The following SEMA6D variants were observed in gnomAD, a reference collection of about 807,000 sequenced individuals.
SEMA6D encodes semaphorin-6D.
In SEMA6D, 35 loss-of-function variants were observed where a neutral mutation model predicts 106.6. The observed-to-expected ratio is 0.33, with a 90% CI of 0.25 to 0.44. The LOEUF (loss-of-function observed/expected upper bound fraction) is 0.44, where lower values mean the gene tolerates loss of function less well. Ranked by LOEUF, SEMA6D falls within the 20% of genes least tolerant of loss-of-function variation. SEMA6D has a pLI of 1.00. For missense variants in SEMA6D, 1,185 were observed against 1,345.9 expected, an observed-to-expected ratio of 0.88 and a Z score of 1.87; for synonymous variants, 499 against 487.7, an observed-to-expected ratio of 1.02 and a Z score of -0.31.
chr15:47,768,560 A>C (rs1484954797), intron 17 of SEMA6D, 21 bp from the exon 18 acceptor site: 1 of 1,579,264 alleles, frequency 6.3e-7, no homozygotes, highest in African/African-American at 1.4e-5. Flanking sequence ...CATATTAATA[A>C]AAATCTGTTT....
chr15:47,771,157 G>A lies in SEMA6D; in HGVS notation c.2594G>A (p.Ser865Asn), dbSNP rs1294469428. Residue 865 changes from serine (S) to asparagine (N), a missense_variant, in exon 19 of 19, where the codon AGT becomes AAT. Transcript: ENST00000536845. ...GATCACCCTCTCACAAAGTCATCCA[G>A]TAAGAGAGATCACCGGCGTTCTGTT... ...NIDHPLTKSS[S>N]KRDHRRSVDS... 5 of 1,613,956 alleles carry A rather than the reference G, an allele frequency of 3.1e-6. No homozygotes were observed. The highest frequency in any genetic ancestry group is 1.3e-5 in the African/African-American group (1 of 74,908).
intron 1 of SEMA6D, among the ~76,000 whole-genome samples, chr15:47,309,505 GC>G (rs1351951818): frequency 6.6e-6 from 1 of 152,146 alleles, no homozygotes; most frequent in Admixed American, 6.5e-5. Flanking sequence ...ATTTGGAAAT[GC>G]CGAAGAGAAG....
At chr15:47,328,271 G>A (rs1421547358) in intron 1 of SEMA6D, among the ~76,000 whole-genome samples, 10 of 152,196 alleles carry the variant, frequency 6.6e-5, no homozygotes, top group African/African-American at 2.2e-4. Context: ...GCTCTTCTTT[G>A]ATGCCAAGTT....
chr15:47,468,812 A>C (rs1414302237), intron 2 of SEMA6D, among the ~76,000 whole-genome samples: 2 of 152,158 alleles, frequency 1.3e-5, no homozygotes, highest in Non-Finnish European at 2.9e-5. Flanking sequence ...CACTCAGGCT[A>C]AAGGGAGTAG....
At chr15:47,445,986 A>T (rs530419148) in intron 2 of SEMA6D, among the ~76,000 whole-genome samples, 1 of 152,276 alleles carries the variant, frequency 6.6e-6, no homozygotes, top group East Asian at 1.9e-4. Flanking sequence ...ATGCACAGTG[A>T]TCACCTTTCT....
At chr15:47,720,535 A>C (rs2079364633) in intron 1 of SEMA6D, among the ~76,000 whole-genome samples, 1 of 152,042 alleles carries the variant, frequency 6.6e-6, no homozygotes, top group Non-Finnish European at 1.5e-5. Flanking sequence ...CAACTTAGAA[A>C]TCCAGAAGAC....
intron 1 of SEMA6D, among the ~76,000 whole-genome samples, chr15:47,213,911 C>T (rs1461489281): frequency 6.6e-6 from 1 of 151,916 alleles, no homozygotes; most frequent in Non-Finnish European, 1.5e-5. Context: ...AAAGTGTTGA[C>T]CACTGAGATA....
At chr15:47,676,128 C>CAT (rs2078240986) in intron 4 of SEMA6D, among the ~76,000 whole-genome samples, 1 of 152,186 alleles carries the variant, frequency 6.6e-6, no homozygotes, top group Non-Finnish European at 1.5e-5. Flanking sequence ...TTGGTAGTGG[C>CAT]TAATCTCTTG....
intron 4 of SEMA6D, among the ~76,000 whole-genome samples, chr15:47,629,886 T>C (rs2077264295): frequency 6.6e-6 from 1 of 151,984 alleles, no homozygotes; most frequent in Admixed American, 6.6e-5. Flanking sequence ...GATTTTATTC[T>C]TTTTTATGGA....
chr15:47,265,072 C>T (rs763383732), intron 1 of SEMA6D, among the ~76,000 whole-genome samples: 2 of 151,870 alleles, frequency 1.3e-5, no homozygotes, highest in African/African-American at 2.4e-5. Flanking sequence ...CTGTAGTTTC[C>T]TTTTCTTGTG....
chr15:47,702,882 A>G (rs2078841210), intron 4 of SEMA6D, among the ~76,000 whole-genome samples: 1 of 152,170 alleles, frequency 6.6e-6, no homozygotes, highest in Admixed American at 6.5e-5. Context: ...ATCAGAACAT[A>G]GAAGATTTTT....
chr15:47,263,972 A>G (rs1471017899), intron 1 of SEMA6D, among the ~76,000 whole-genome samples: 1 of 151,914 alleles, frequency 6.6e-6, no homozygotes, highest in African/African-American at 2.4e-5. Context: ...CAAATTGGAT[A>G]AAGAATATGT....
At position 47,712,263 on chromosome 15, in the gene SEMA6D, A is replaced by T. The variant is rs74759441; in HGVS notation, c.-54-47482A>T. Reference sequence around the variant, plus strand: ...TGAATATCTAATTGTGGGTTTTTACATTTATTTCCTGTGTTATCCAAGACA... The same window carrying T: ...TGAATATCTAATTGTGGGTTTTTACTTTTATTTCCTGTGTTATCCAAGACA... On this transcript the variant is annotated intron_variant, in intron 4 of 19. Transcript: ENST00000558014. Among the ~76,000 whole-genome samples the T allele has an allele frequency of 7.2e-3, 1,101 of 152,272 alleles. 7 individuals carry two copies. Among genetic ancestry groups the T allele is most frequent in the African/African-American group, 0.022 (933 of 41,542 alleles).
chr15:47,414,919 C>T (rs796715947), intron 2 of SEMA6D, among the ~76,000 whole-genome samples: 4 of 152,090 alleles, frequency 2.6e-5, no homozygotes, highest in South Asian at 4.1e-4. Context: ...TTTAAATAGT[C>T]TCTTAAATGG....
intron 2 of SEMA6D, among the ~76,000 whole-genome samples, chr15:47,445,171 C>T (rs555210005): frequency 1.1e-4 from 17 of 152,094 alleles, no homozygotes; most frequent in South Asian, 2.1e-4. Flanking sequence ...CTCCATGGAG[C>T]GTATGGTTTG....
intron 2 of SEMA6D, among the ~76,000 whole-genome samples, chr15:47,417,825 AT>A (rs915532392): frequency 5.8e-4 from 84 of 144,592 alleles, no homozygotes; most frequent in Middle Eastern, 3.6e-3. Flanking sequence ...TCATGCATCC[AT>A]TTTTTTTTTT....
chr15:47,359,290 A>G (rs1477831269), intron 1 of SEMA6D: 1 of 152,208 alleles, frequency 6.6e-6, no homozygotes, highest in Non-Finnish European at 1.5e-5. Context: ...GCTAGTCTTA[A>G]TTAAATAATT....
At chr15:47,282,743 C>G (rs2035183780) in intron 1 of SEMA6D, among the ~76,000 whole-genome samples, 1 of 152,166 alleles carries the variant, frequency 6.6e-6, no homozygotes, top group South Asian at 2.1e-4. Context: ...TTTCTGGCTA[C>G]TTTTAATGTA....
At chr15:47,462,492 C>T (rs1202577708) in intron 2 of SEMA6D, among the ~76,000 whole-genome samples, 2 of 152,064 alleles carry the variant, frequency 1.3e-5, no homozygotes, top group African/African-American at 4.8e-5. Context: ...GAACCTCCTT[C>T]CTACAGCCCT....
Sources: allele counts gnomAD v4.1 joint callset (sites outside exome capture counted in the v4.1 genomes callset), GRCh38; gene constraint gnomAD v4.1.1; transcripts MANE v1.5; gene names NCBI Gene and HGNC (gene_info 2026-07-23, HGNC 2026-07-21).